The following ZBTB40 variants were observed in gnomAD, a reference collection of about 807,000 sequenced individuals.
The protein encoded by ZBTB40 is zinc finger and BTB domain-containing protein 40.
ZBTB40 carries 60 observed loss-of-function variants against 117.5 expected under a neutral mutation model. That is an observed-to-expected ratio of 0.51 (90% CI 0.41 to 0.63). The LOEUF (loss-of-function observed/expected upper bound fraction) is 0.63. Among genes scored for constraint, ZBTB40 ranks in the 30% least tolerant of loss-of-function variants. The pLI, the probability that ZBTB40 is intolerant of heterozygous loss-of-function variation, is 0.00. For missense variants in ZBTB40, 1,287 were observed against 1,498.5 expected (o/e 0.86, Z 2.33); for synonymous variants, 525 against 577.1 (o/e 0.91, Z 1.29).
chr1:22,452,414 C>G (rs1640900749), intron 1 of ZBTB40, among the ~76,000 whole-genome samples: 1 of 152,258 alleles, frequency 6.6e-6, no homozygotes, highest in Non-Finnish European at 1.5e-5. Context: ...TCTCTCTTCC[C>G]CTCTCGGTCT....
At chr1:22,499,441 C>T (rs746122075) in intron 3 of ZBTB40, among the ~76,000 whole-genome samples, 5 of 152,212 alleles carry the variant, frequency 3.3e-5, no homozygotes, top group Non-Finnish European at 7.3e-5. Flanking sequence ...TTAGATGCTG[C>T]CTGCCTTGGG....
chr1:22,506,147 G>C lies in ZBTB40; in HGVS notation c.1266G>C (p.Leu422Phe). The change falls in exon 6 of 18, where the codon TTG becomes TTC. Residue 422 changes from leucine (L) to phenylalanine (F), a missense_variant. Physicochemically the swap from Leu to Phe is conservative, Grantham distance 22. Around this residue, in one of 2 missense-constraint regions of ZBTB40, gnomAD observed 870 missense variants for 934.4 expected, o/e 0.93. Coordinates refer to ENST00000375647, the MANE Select transcript of ZBTB40 (RefSeq NM_014870.4). ...AGAAGACGCTGACTGCTGAGGGTTT[G>C]GTAAAACTCCTCCAGGCTGTGAAGA... ...TEEKTLTAEGLVKLLQAVKTT... is the reference protein window; with the variant it reads ...TEEKTLTAEGFVKLLQAVKTT... 3 of 1,614,138 alleles carry C rather than the reference G, an allele frequency of 1.9e-6. No homozygotes were observed. The highest frequency in any genetic ancestry group is 2.5e-6 in the Non-Finnish European group (3 of 1,180,012).
chr1:22,490,581 A>G lies in ZBTB40; in HGVS notation c.633A>G (p.Glu211=). The G allele has an allele frequency of 6.2e-7, 1 of 1,614,120 alleles. No homozygotes were observed. Among genetic ancestry groups the G allele is most frequent in the Non-Finnish European group, 8.5e-7 (1 of 1,180,032 alleles). ...CAGCGGAGACTCCTACTACAGCTGAAGCTTGTTCCCCCTCCCCTGCTGTGC... is the reference window on the plus strand; with the variant it reads ...CAGCGGAGACTCCTACTACAGCTGAGGCTTGTTCCCCCTCCCCTGCTGTGC... ...ETPAETPTTA[E]ACSPSPAVQT... is the part of the protein sequence containing the mutation. Residue 211 remains glutamate (E), a synonymous_variant, in exon 2 of 18, where the codon GAA becomes GAG. Coordinates refer to ENST00000375647, the MANE Select transcript of ZBTB40 (RefSeq NM_014870.4).
intron 1 of ZBTB40, among the ~76,000 whole-genome samples, chr1:22,469,883 A>G (rs1270672375): frequency 6.6e-6 from 1 of 152,108 alleles, no homozygotes; most frequent in East Asian, 1.9e-4. Context: ...TTGTAATCAT[A>G]TGTTTGCATA....
intron 5 of ZBTB40, among the ~76,000 whole-genome samples, chr1:22,503,074 A>G (rs1397433060): frequency 1.3e-5 from 2 of 151,214 alleles, no homozygotes; most frequent in Admixed American, 1.3e-4. Flanking sequence ...CTATACCTAT[A>G]ATATGGATTT....
At chr1:22,465,998 AC>A (rs34145593) in intron 1 of ZBTB40, among the ~76,000 whole-genome samples, 3 of 151,290 alleles carry the variant, frequency 2.0e-5, no homozygotes, top group Non-Finnish European at 4.4e-5. Context: ...TCACTCTGAA[AC>A]CCCCCCTGTA....
At chr1:22,461,219 T>C (rs1342337186) in intron 1 of ZBTB40, among the ~76,000 whole-genome samples, 1 of 152,158 alleles carries the variant, frequency 6.6e-6, no homozygotes, top group Non-Finnish European at 1.5e-5. Flanking sequence ...GCTCATTCAG[T>C]TGGTACTCTG....
Position 22,508,033 on chromosome 1 carries a change from C to G in ZBTB40, c.1393C>G (p.Leu465Val). The change falls in exon 7 of 18, where the codon CTA becomes GTA. Residue 465 changes from leucine to valine, a missense_variant. Leu to Val is a conservative substitution (Grantham distance 32). Around this residue, in one of 2 missense-constraint regions of ZBTB40, gnomAD observed 870 missense variants for 934.4 expected, o/e 0.93. Transcript: ENST00000375647. ...AAGCCCTGATGATTATGGGACTGAG[C>G]TATTGAGACGCTATCATGAAAACCT... ...QPSPDDYGTELLRRYHENLSE... is the reference protein window; with the variant it reads ...QPSPDDYGTEVLRRYHENLSE... 1 of 1,614,074 alleles carries G rather than the reference C, an allele frequency of 6.2e-7. No homozygotes were observed. Among genetic ancestry groups the G allele is most frequent in the Non-Finnish European group, 8.5e-7 (1 of 1,180,034 alleles).
At chr1:22,461,757 C>T (rs1425454129) in intron 1 of ZBTB40, among the ~76,000 whole-genome samples, 1 of 152,140 alleles carries the variant, frequency 6.6e-6, no homozygotes, top group Non-Finnish European at 1.5e-5. Flanking sequence ...AGGATTTAAG[C>T]TGAAAGTGGT....
At chr1:22,523,133 A>T (rs974472389) in intron 16 of ZBTB40, among the ~76,000 whole-genome samples, 14 of 151,280 alleles carry the variant, frequency 9.3e-5, no homozygotes, top group African/African-American at 3.2e-4. Flanking sequence ...TTGTATTTTT[A>T]GTAGAGACGG....
At chr1:22,466,066 C>G (rs1641248389) in intron 1 of ZBTB40, among the ~76,000 whole-genome samples, 1 of 152,174 alleles carries the variant, frequency 6.6e-6, no homozygotes, top group Non-Finnish European at 1.5e-5. Flanking sequence ...AACCACTAAT[C>G]CACTTTCTGT....
At chr1:22,519,964 G>C in intron 13 of ZBTB40, 97 bp from the exon 14 acceptor site, 1 of 1,079,306 alleles carries the variant, frequency 9.3e-7, no homozygotes, top group Non-Finnish European at 1.4e-6. Context: ...CTTCACATTT[G>C]TTGCTGTACA....
Position 22,502,385 on chromosome 1 carries a change from A to T in ZBTB40, c.1111A>T (p.Ile371Phe), listed in dbSNP as rs534603828. 9.3e-6 allele frequency: 15 copies of T among 1,614,118 alleles called. No homozygotes were observed. The African/African-American group carries it at 2.0e-4, about 22-fold the overall frequency. Residue 371 changes from isoleucine to phenylalanine, a missense_variant, in exon 5 of 18, where the codon ATT becomes TTT. Transcript: ENST00000375647. ...ACAGTGTGTAACACAGCTGAGACCT[A>T]TTATGGAGTCCCTGGAAACAGCCAA... The part of the protein sequence containing the change: ...LIQCVTQLRP[I>F]MESLETAKEE...
chr1:22,439,364 T>C (rs1163727096), intron 1 of ZBTB40, among the ~76,000 whole-genome samples: 3 of 152,232 alleles, frequency 2.0e-5, no homozygotes, highest in Non-Finnish European at 4.4e-5. Context: ...AATTTGTCCA[T>C]TTTTTCTTTT....
intron 2 of ZBTB40, among the ~76,000 whole-genome samples, chr1:22,491,102 G>T (rs1638618766): frequency 6.6e-6 from 1 of 152,092 alleles, no homozygotes; most frequent in South Asian, 2.1e-4. Flanking sequence ...TCACCATGTT[G>T]GCCAGGCTGG....
chr1:22,432,617 G>T (rs1640607630), intron 1 of ZBTB40, among the ~76,000 whole-genome samples: 1 of 152,236 alleles, frequency 6.6e-6, no homozygotes, highest in Non-Finnish European at 1.5e-5. Flanking sequence ...AGAAAGTCCT[G>T]TTGGAAAGTG....
intron 1 of ZBTB40, among the ~76,000 whole-genome samples, chr1:22,431,301 G>GTATATATTCAATATATAC (rs1640581615): frequency 1.5e-4 from 12 of 81,334 alleles, no homozygotes; most frequent in African/African-American, 7.6e-4. Context: ...TGAATATATT[G>GTATATATTCAATATATAC]AATATACAGT....
At chr1:22,461,121 G>A (rs1641122255) in intron 1 of ZBTB40, among the ~76,000 whole-genome samples, 4 of 152,148 alleles carry the variant, frequency 2.6e-5, no homozygotes, top group Admixed American at 2.6e-4. Flanking sequence ...TAATCATTTA[G>A]CATATAAGTT....
rs1192643267 is a variant in ZBTB40, at chr1:22,433,383, A to G, written c.-70+4369A>G. On this transcript the variant is annotated intron_variant, in intron 1 of 8. Coordinates refer to the ZBTB40 transcript ENST00000650433. The stretch of plus-strand genomic sequence containing the variant: ...AGGAGGCAGAGCTTGCAGTGAGCCA[A>G]TATCGCACCACTGCACTCCAGCCTG... Among the ~76,000 whole-genome samples, 6 of 135,912 alleles carry G rather than the reference A, an allele frequency of 4.4e-5. No homozygotes were observed. In the Admixed American group the frequency reaches 5.0e-4, roughly 11 times the overall value. 89.2% of individuals were successfully genotyped at this position (135,912 alleles called of 152,430 possible). A position where few individuals can be genotyped will look rare whatever the true frequency, so the allele number is the denominator to read the frequency against.
Sources: allele counts gnomAD v4.1 joint callset (sites outside exome capture counted in the v4.1 genomes callset), GRCh38; gene constraint gnomAD v4.1.1; regional missense constraint gnomAD v4.1.1; transcripts MANE v1.5; gene names NCBI Gene and HGNC (gene_info 2026-07-23, HGNC 2026-07-21).